The following GNA12 variants were observed in gnomAD, a reference collection of about 807,000 sequenced individuals.
GNA12 encodes guanine nucleotide-binding protein subunit alpha-12.
GNA12 carries 9 observed loss-of-function variants against 26.0 expected under a neutral mutation model. That is an observed-to-expected ratio of 0.35 (90% CI 0.21 to 0.60). The LOEUF (loss-of-function observed/expected upper bound fraction) is 0.60. GNA12 is among the 20% of genes least tolerant of loss of function. GNA12 has a pLI of 0.78. For synonymous variants in GNA12, 264 were observed against 219.6 expected (o/e 1.20, Z -1.79); for missense variants, 405 against 525.8 (o/e 0.77, Z 2.25).
intron 2 of GNA12, among the ~76,000 whole-genome samples, chr7:2,757,007 G>A (rs1294449119): frequency 2.6e-5 from 4 of 152,182 alleles, no homozygotes; most frequent in African/African-American, 9.7e-5. Context: ...TGGGGAGTTC[G>A]AGGCTGCAGT....
At chr7:2,775,691 A>G (rs1389679610) in intron 2 of GNA12, among the ~76,000 whole-genome samples, 1 of 152,118 alleles carries the variant, frequency 6.6e-6, no homozygotes, top group Non-Finnish European at 1.5e-5. Flanking sequence ...CTGCCATCAA[A>G]CTCTGCCTAT....
chr7:2,825,576 C>G (rs1046625165), intron 1 of GNA12, among the ~76,000 whole-genome samples: 1 of 152,162 alleles, frequency 6.6e-6, no homozygotes, highest in Non-Finnish European at 1.5e-5. Flanking sequence ...AGGAGAAGTG[C>G]GTTTGTGCCA....
intron 2 of GNA12, among the ~76,000 whole-genome samples, chr7:2,779,527 CAGT>C (rs1055553714): frequency 1.3e-5 from 2 of 152,002 alleles, no homozygotes; most frequent in Non-Finnish European, 2.9e-5. Context: ...ATTCCTGTCA[CAGT>C]AATTTTTATA....
chr7:2,793,769 G>A lies in GNA12; in HGVS notation c.525+1159C>T, dbSNP rs575754695. On this transcript the variant is annotated intron_variant, in intron 2 of 3. Transcript: ENST00000275364. ...GTGGTGGTGGGTGCCTACAGTCTCT[G>A]CTACTCGGGAGGCTGAGGTGGGAGA... Among the ~76,000 whole-genome samples the A allele has an allele frequency of 1.1e-4, 16 of 151,712 alleles. No individual in the cohort carries two copies. In the East Asian group the frequency reaches 3.1e-3, roughly 29 times the overall value.
intron 2 of GNA12, among the ~76,000 whole-genome samples, chr7:2,778,122 T>C (rs77872844): frequency 0.024 from 3,611 of 152,314 alleles, 107 homozygotes; most frequent in Middle Eastern, 0.075. Flanking sequence ...CTGGGATACA[T>C]GTGTCCAGTT....
At chr7:2,741,246 C>T (rs950328672) in intron 2 of GNA12, among the ~76,000 whole-genome samples, 6 of 151,936 alleles carry the variant, frequency 3.9e-5, no homozygotes, top group African/African-American at 9.7e-5. Context: ...TCTCAGCTAC[C>T]TGGGAGGCTG....
intron 2 of GNA12, chr7:2,762,942 G>C: frequency 1.4e-6 from 2 of 1,380,166 alleles, no homozygotes; most frequent in Non-Finnish European, 1.9e-6. Flanking sequence ...AGACACTCCC[G>C]TGGGGCCCGT....
At chr7:2,751,309 T>G (rs1243786332) in intron 2 of GNA12, among the ~76,000 whole-genome samples, 6 of 150,628 alleles carry the variant, frequency 4.0e-5, no homozygotes, top group African/African-American at 1.5e-4. Flanking sequence ...GAGGATCACT[T>G]CAACCCAGAA....
chr7:2,748,015 C>T (rs1790851499), intron 2 of GNA12, among the ~76,000 whole-genome samples: 1 of 150,386 alleles, frequency 6.6e-6, no homozygotes, highest in Non-Finnish European at 1.5e-5. Context: ...AAAGAGGATA[C>T]AAACAAATGG....
At chr7:2,759,076 G>A (rs560983416) in intron 2 of GNA12, among the ~76,000 whole-genome samples, 20 of 151,662 alleles carry the variant, frequency 1.3e-4, no homozygotes, top group Middle Eastern at 3.4e-3. Flanking sequence ...GGGGGCGGAG[G>A]TTGCAATGAG....
At chr7:2,764,301 T>C (rs1043743933) in intron 2 of GNA12, among the ~76,000 whole-genome samples, 1 of 151,390 alleles carries the variant, frequency 6.6e-6, no homozygotes, top group African/African-American at 2.4e-5. Flanking sequence ...CAGGCAGGTC[T>C]CAAACTCCTA....
chr7:2,740,470 C>A (rs911061333), intron 2 of GNA12, among the ~76,000 whole-genome samples: 2 of 152,196 alleles, frequency 1.3e-5, no homozygotes, highest in East Asian at 1.9e-4. Context: ...TCACCAGAAC[C>A]TGATGGTGCT....
chr7:2,817,235 G>A (rs1793239505), intron 1 of GNA12, among the ~76,000 whole-genome samples: 1 of 152,202 alleles, frequency 6.6e-6, no homozygotes, highest in South Asian at 2.1e-4. Flanking sequence ...CCTCCTGATA[G>A]CTGAAATTAC....
chr7:2,762,684 C>T lies in GNA12; in HGVS notation c.526-29183G>A, dbSNP rs564992122. On this transcript the variant is annotated intron_variant, in intron 2 of 3. Coordinates refer to ENST00000275364, the MANE Select transcript of GNA12 (RefSeq NM_007353.3). ...AGAGGATAAATCATTTGGAAAGAAA[C>T]CACGCTGCCCGGGTGGAGGAGCGCC... The T allele has an allele frequency of 1.3e-4, 200 of 1,584,826 alleles. 2 individuals carry two copies. The Middle Eastern group carries it at 1.8e-3, about 14-fold the overall frequency.
At chr7:2,794,588 G>A in intron 2 of GNA12, 2 of 274,362 alleles carry the variant, frequency 7.3e-6, no homozygotes, top group Non-Finnish European at 1.4e-5. Context: ...GTCCAAAGTG[G>A]GAAGCTGTTG....
Position 2,730,023 on chromosome 7 carries a change from C to T in GNA12, c.*1158G>A, listed in dbSNP as rs1789808928. The T allele has an allele frequency of 6.6e-6, 1 of 152,350 alleles. No individual in the cohort carries two copies. The highest frequency in any genetic ancestry group is 1.5e-5 in the Non-Finnish European group (1 of 68,082). The allele number at this position is 152,350 out of a possible 1,614,324, so 9.4% of individuals were successfully genotyped here. ...GCGAGGGGCCTCGATGAGAATCAGA[C>T]TTAGGGAGAGCGGCGAACAGGCACG... On this transcript the variant is annotated 3_prime_UTR_variant, in exon 4 of 4. Coordinates refer to ENST00000275364, the MANE Select transcript of GNA12 (RefSeq NM_007353.3).
At chr7:2,802,755 A>G (rs1421319021) in intron 1 of GNA12, among the ~76,000 whole-genome samples, 2 of 152,224 alleles carry the variant, frequency 1.3e-5, no homozygotes, top group African/African-American at 4.8e-5. Flanking sequence ...CGCTGCCAGA[A>G]GTGTAAACAG....
chr7:2,793,717 C>T (rs150178005), intron 2 of GNA12, among the ~76,000 whole-genome samples: 2,939 of 151,632 alleles, frequency 0.019, 54 homozygotes, highest in Middle Eastern at 0.075. Context: ...ACTCCATCTC[C>T]ACTAAAAAAT....
At chr7:2,831,207 A>G (rs1212185667) in intron 1 of GNA12, among the ~76,000 whole-genome samples, 1 of 151,814 alleles carries the variant, frequency 6.6e-6, no homozygotes, top group Non-Finnish European at 1.5e-5. Context: ...ATAAGTACTG[A>G]TAAGAAAGTA....
Sources: gnomAD v4.1 joint callset for allele counts (sites outside exome capture counted in the v4.1 genomes callset) on GRCh38, gnomAD v4.1.1 for gene constraint, MANE v1.5 for transcripts, NCBI Gene and HGNC (gene_info 2026-07-23, HGNC 2026-07-21) for gene names.